The following CREB3L2 variants were observed in gnomAD, a reference collection of about 807,000 sequenced individuals.
The protein encoded by CREB3L2 is cyclic AMP-responsive element-binding protein 3-like protein 2.
CREB3L2 carries 23 observed loss-of-function variants against 57.2 expected under a neutral mutation model. The ratio of observed to expected loss-of-function variants is 0.40; its 90% CI spans 0.29 to 0.57. The LOEUF is 0.57. Ranked by LOEUF, CREB3L2 falls within the 20% of genes least tolerant of loss-of-function variation. CREB3L2 has a pLI of 0.42. For missense variants in CREB3L2, 628 were observed against 634.7 expected (o/e 0.99, Z 0.11); for synonymous variants, 268 against 265.1 (o/e 1.01, Z -0.11).
At chr7:137,926,784 A>G (rs1380590630) in intron 2 of CREB3L2, among the ~76,000 whole-genome samples, 3 of 152,198 alleles carry the variant, frequency 2.0e-5, no homozygotes, top group African/African-American at 7.2e-5. Context: ...GACTGGGAAT[A>G]GGAAATAGAG....
intron 10 of CREB3L2, chr7:137,884,435 C>T (rs117944233): frequency 0.047 from 7,175 of 154,104 alleles, 441 homozygotes; most frequent in East Asian, 0.18. Context: ...TTTTTAGTGG[C>T]GATGGGGTTT....
chr7:137,969,673 T>C (rs914990180), intron 1 of CREB3L2, among the ~76,000 whole-genome samples: 2 of 151,956 alleles, frequency 1.3e-5, no homozygotes, highest in Non-Finnish European at 2.9e-5. Flanking sequence ...TGAGGTTGTT[T>C]AGCAGAATTT....
chr7:137,985,021 T>C (rs574377284), intron 1 of CREB3L2, among the ~76,000 whole-genome samples: 2 of 152,332 alleles, frequency 1.3e-5, no homozygotes, highest in East Asian at 3.9e-4. Context: ...TTTTGTTTGT[T>C]TTCTTTTGCT....
At chr7:137,895,491 A>G (rs377476175) in intron 8 of CREB3L2, among the ~76,000 whole-genome samples, 7 of 152,214 alleles carry the variant, frequency 4.6e-5, no homozygotes, top group African/African-American at 1.2e-4. Flanking sequence ...CTCTGTTCCC[A>G]GAGTCTCCCA....
chr7:137,973,625 G>A (rs1184289356), intron 1 of CREB3L2, among the ~76,000 whole-genome samples: 1 of 152,162 alleles, frequency 6.6e-6, no homozygotes, highest in Non-Finnish European at 1.5e-5. Flanking sequence ...TTATTATGAT[G>A]GATCTGAGAC....
intron 8 of CREB3L2, among the ~76,000 whole-genome samples, chr7:137,888,266 C>A (rs969385793): frequency 4.0e-5 from 6 of 149,456 alleles, no homozygotes; most frequent in Non-Finnish European, 6.1e-5. Context: ...CACCCAGCAC[C>A]ATTTTCTTTA....
At chr7:137,889,920 G>A (rs928684992) in intron 8 of CREB3L2, among the ~76,000 whole-genome samples, 1 of 152,162 alleles carries the variant, frequency 6.6e-6, no homozygotes, top group African/African-American at 2.4e-5. Context: ...GAGGACCTAA[G>A]ATGTAAACCA....
chr7:137,936,693 C>T (rs1056471715), intron 1 of CREB3L2, among the ~76,000 whole-genome samples: 5 of 152,188 alleles, frequency 3.3e-5, no homozygotes, highest in East Asian at 1.9e-4. Flanking sequence ...GAGGCTGACC[C>T]GCCCCTGAAG....
At chr7:137,895,717 G>A (rs189963604) in intron 8 of CREB3L2, among the ~76,000 whole-genome samples, 17 of 151,184 alleles carry the variant, frequency 1.1e-4, no homozygotes, top group African/African-American at 4.1e-4. Flanking sequence ...GGGTAGATGC[G>A]AAAGTCCCCT....
chr7:137,978,020 G>A (rs1004798350), intron 1 of CREB3L2, among the ~76,000 whole-genome samples: 1 of 152,096 alleles, frequency 6.6e-6, no homozygotes, highest in African/African-American at 2.4e-5. Flanking sequence ...ATTCAAACTT[G>A]ATGCCTTACA....
chr7:137,909,851 C>A (rs911970646), intron 4 of CREB3L2, among the ~76,000 whole-genome samples: 2 of 152,160 alleles, frequency 1.3e-5, no homozygotes, highest in Non-Finnish European at 2.9e-5. Flanking sequence ...AGCGGGAGAT[C>A]ATTGAATCAT....
intron 1 of CREB3L2, among the ~76,000 whole-genome samples, chr7:137,935,408 A>G (rs540707076): frequency 1.4e-4 from 22 of 152,336 alleles, no homozygotes; most frequent in African/African-American, 5.0e-4. Context: ...GACAGAACAA[A>G]TGTACTTCTT....
Position 137,988,576 on chromosome 7 carries a change from G to A in CREB3L2, c.102+13028C>T, listed in dbSNP as rs1319797977. Among the ~76,000 whole-genome samples, 5 of 152,182 alleles carry A rather than the reference G, an allele frequency of 3.3e-5. No individual in the cohort carries two copies. In the East Asian group the frequency reaches 9.6e-4, roughly 29 times the overall value. ...CACCTGATACTTCCTTAGTGGAAGA[G>A]TCAGAAGAATAAAGAGAGGAAAAGA... On this transcript the variant is annotated intron_variant, in intron 1 of 11. Transcript: ENST00000330387.
Position 137,920,507 on chromosome 7 carries a change from C to T in CREB3L2, c.320-4495G>A, listed in dbSNP as rs74775026. Among the ~76,000 whole-genome samples, 814 of 152,186 alleles carry T rather than the reference C, an allele frequency of 5.3e-3. 4 individuals are homozygous for T. Among genetic ancestry groups the T allele is most frequent in the African/African-American group, 0.018 (756 of 41,498 alleles). ...CACACAGAAACAGACAGGTAGATTA[C>T]GATAATAAATGACTGAGTGACTGAG... On this transcript the variant is annotated intron_variant, in intron 2 of 11. Transcript: ENST00000330387.
At chr7:137,943,204 T>C (rs963471944) in intron 1 of CREB3L2, among the ~76,000 whole-genome samples, 12 of 152,148 alleles carry the variant, frequency 7.9e-5, no homozygotes, top group African/African-American at 2.9e-4. Flanking sequence ...TCTGGTATTC[T>C]GAGACCAACT....
chr7:137,897,183 A>C (rs1434840261), intron 8 of CREB3L2, among the ~76,000 whole-genome samples: 1 of 152,264 alleles, frequency 6.6e-6, no homozygotes, highest in Non-Finnish European at 1.5e-5. Context: ...ATATATGCAT[A>C]CATCAAATCG....
Position 137,954,495 on chromosome 7 carries a change from A to G in CREB3L2, c.103-26129T>C, listed in dbSNP as rs556198028. On this transcript the variant is annotated intron_variant, in intron 1 of 11. Coordinates refer to ENST00000330387, the MANE Select transcript of CREB3L2 (RefSeq NM_194071.4). ...TTCTATTTTCAGAAAACTTTTAGCA[A>G]AAAGGAAAGAACCACAAAGAAATCA... 2.6e-5 allele frequency among the ~76,000 whole-genome samples: 4 copies of G among 152,304 alleles called. No homozygotes were observed. In the South Asian group the frequency reaches 8.3e-4, roughly 32 times the overall value.
intron 2 of CREB3L2, among the ~76,000 whole-genome samples, chr7:137,919,951 G>A (rs1394342715): frequency 6.6e-6 from 1 of 152,156 alleles, no homozygotes; most frequent in Non-Finnish European, 1.5e-5. Flanking sequence ...TTCCAACCTT[G>A]GGACACTATT....
At chr7:137,970,147 T>A (rs1398902630) in intron 1 of CREB3L2, among the ~76,000 whole-genome samples, 1 of 152,218 alleles carries the variant, frequency 6.6e-6, no homozygotes, top group Non-Finnish European at 1.5e-5. Flanking sequence ...AGTCTCCTCA[T>A]CTGTAAAATG....
Sources: gnomAD v4.1 joint callset for allele counts (sites outside exome capture counted in the v4.1 genomes callset) on GRCh38, gnomAD v4.1.1 for gene constraint, MANE v1.5 for transcripts, NCBI Gene and HGNC (gene_info 2026-07-23, HGNC 2026-07-21) for gene names.